The following PTPRD variants were observed in gnomAD, a reference collection of about 807,000 sequenced individuals.
PTPRD encodes receptor-type tyrosine-protein phosphatase delta.
PTPRD carries 34 observed loss-of-function variants against 214.5 expected under a neutral mutation model. That is an observed-to-expected ratio of 0.16 (90% CI 0.12 to 0.21). PTPRD has a LOEUF of 0.21. Among genes scored for constraint, PTPRD ranks in the 10% least tolerant of loss-of-function variants. PTPRD has a pLI of 1.00. For missense variants in PTPRD, 2,545 were observed against 2,398.7 expected (o/e 1.06, Z -1.27); for synonymous variants, 1,128 against 845.7 (o/e 1.33, Z -5.79).
At chr9:10,335,823 G>C (rs752237814) in intron 3 of PTPRD, among the ~76,000 whole-genome samples, 1 of 151,708 alleles carries the variant, frequency 6.6e-6, no homozygotes, top group Non-Finnish European at 1.5e-5. Flanking sequence ...TATACACACG[G>C]CAAATAAGCA....
chr9:8,759,045 T>TTTC (rs1181302614), intron 11 of PTPRD, among the ~76,000 whole-genome samples: 2 of 151,288 alleles, frequency 1.3e-5, no homozygotes, highest in African/African-American at 4.9e-5. Flanking sequence ...TTTTTTTTTT[T>TTTC]AGAAAGAGAG....
At chr9:8,460,659 A>G (rs2096371839) in intron 32 of PTPRD, 88 bp from the exon 33 acceptor site, 1 of 1,321,762 alleles carries the variant, frequency 7.6e-7, no homozygotes, top group Admixed American at 2.4e-5. Flanking sequence ...AAAATCCAGG[A>G]AATAGTGGAT....
intron 14 of PTPRD, among the ~76,000 whole-genome samples, chr9:8,557,807 C>T (rs1351667122): frequency 5.2e-5 from 7 of 133,572 alleles, no homozygotes; most frequent in South Asian, 2.4e-4. Flanking sequence ...CACACACACA[C>T]ATATATACAC....
intron 8 of PTPRD, among the ~76,000 whole-genome samples, chr9:9,420,619 A>C (rs2078425644): frequency 6.6e-6 from 1 of 151,942 alleles, no homozygotes; most frequent in African/African-American, 2.4e-5. Flanking sequence ...TGTTTAATGC[A>C]AGCTTCTTTG....
At chr9:9,334,446 G>A (rs2043610648) in intron 9 of PTPRD, among the ~76,000 whole-genome samples, 1 of 151,838 alleles carries the variant, frequency 6.6e-6, no homozygotes, top group African/African-American at 2.4e-5. Flanking sequence ...TTATCTAGTG[G>A]GGATTTCATA....
chr9:8,330,969 A>C (rs771616335), intron 44 of PTPRD, among the ~76,000 whole-genome samples: 1 of 150,668 alleles, frequency 6.6e-6, no homozygotes, highest in Non-Finnish European at 1.5e-5. Flanking sequence ...AAAAACACTA[A>C]ATTTATGGTG....
intron 3 of PTPRD, among the ~76,000 whole-genome samples, chr9:10,084,869 A>G (rs1057196446): frequency 6.6e-6 from 1 of 151,952 alleles, no homozygotes; most frequent in Non-Finnish European, 1.5e-5. Flanking sequence ...AACATAATAC[A>G]TAAATCTTAC....
At chr9:10,606,533 C>CTTTTTTTTTT (rs34402701) in intron 2 of PTPRD, among the ~76,000 whole-genome samples, 2 of 143,490 alleles carry the variant, frequency 1.4e-5, no homozygotes, top group Non-Finnish European at 3.1e-5. Context: ...TCTTTATTTT[C>CTTTTTTTTTT]TTTTTTTTTT....
At position 9,289,517 on chromosome 9, in the gene PTPRD, G is replaced by A. The variant is rs186643902; in HGVS notation, c.-202-106154C>T. Among the ~76,000 whole-genome samples, 583 of 151,814 alleles carry A rather than the reference G, an allele frequency of 3.8e-3. 7 individuals are homozygous for A. Among genetic ancestry groups the A allele is most frequent in the East Asian group, 0.027 (138 of 5,114 alleles). ...TGTGTCTGCTCTCTTCAAATTTTAA[G>A]TAAACAATACAGCATAATTAACTAT... On this transcript the variant is annotated intron_variant, in intron 9 of 45. Transcript: ENST00000381196.
chr9:9,786,324 T>C (rs568900314), intron 5 of PTPRD, among the ~76,000 whole-genome samples: 31 of 152,238 alleles, frequency 2.0e-4, no homozygotes, highest in Non-Finnish European at 4.0e-4. Context: ...ATTGATACAT[T>C]TGCATGCATT....
intron 30 of PTPRD, among the ~76,000 whole-genome samples, chr9:8,472,919 G>A (rs567689358): frequency 6.6e-6 from 1 of 152,212 alleles, no homozygotes; most frequent in East Asian, 1.9e-4. Flanking sequence ...TATATATTCT[G>A]AAATACGTGA....
chr9:8,428,566 T>C (rs1184198044), intron 35 of PTPRD, among the ~76,000 whole-genome samples: 1 of 152,148 alleles, frequency 6.6e-6, no homozygotes, highest in East Asian at 1.9e-4. Context: ...CCACTTTGCA[T>C]AAAAGATGAA....
chr9:9,844,596 A>C (rs2059062459), intron 5 of PTPRD, among the ~76,000 whole-genome samples: 1 of 152,018 alleles, frequency 6.6e-6, no homozygotes, highest in African/African-American at 2.4e-5. Context: ...ATTAATTAGA[A>C]AAATAGGGGA....
At chr9:9,934,745 A>G (rs2088466206) in intron 5 of PTPRD, among the ~76,000 whole-genome samples, 1 of 151,876 alleles carries the variant, frequency 6.6e-6, no homozygotes, top group South Asian at 2.1e-4. Context: ...CATCATTTTA[A>G]TACCAAAGCC....
chr9:9,080,547 T>A (rs772333125), intron 10 of PTPRD, among the ~76,000 whole-genome samples: 1 of 152,018 alleles, frequency 6.6e-6, no homozygotes, highest in Non-Finnish European at 1.5e-5. Flanking sequence ...TAGGGTTAGG[T>A]AATTCCCAAG....
chr9:9,815,915 CCACA>C (rs2048614039), intron 5 of PTPRD, among the ~76,000 whole-genome samples: 1 of 152,112 alleles, frequency 6.6e-6, no homozygotes, highest in South Asian at 2.1e-4. Flanking sequence ...AGTGTTCTCA[CCACA>C]CATACACAAA....
Position 8,983,120 on chromosome 9 carries a change from G to A in PTPRD, c.-104+35577C>T, listed in dbSNP as rs1433538. 5.5e-3 allele frequency among the ~76,000 whole-genome samples: 831 copies of A among 151,702 alleles called. 6 individuals are homozygous for A. The highest frequency in any genetic ancestry group is 0.017 in the Middle Eastern group (5 of 292). The stretch of plus-strand genomic sequence containing the variant: ...TTTTTCTTTAGTCTGTTTTCATCAT[G>A]AGTTATTTAACATTTTAGTGGCTTT... On this transcript the variant is annotated intron_variant, in intron 11 of 45. Coordinates refer to ENST00000381196, the MANE Select transcript of PTPRD (RefSeq NM_002839.4).
At chr9:9,807,999 G>A (rs2045960334) in intron 5 of PTPRD, among the ~76,000 whole-genome samples, 1 of 152,116 alleles carries the variant, frequency 6.6e-6, no homozygotes, top group Non-Finnish European at 1.5e-5. Flanking sequence ...GAGTGCTGAT[G>A]GTGAGCTGTC....
intron 3 of PTPRD, among the ~76,000 whole-genome samples, chr9:10,338,780 G>C (rs2096888105): frequency 6.6e-6 from 1 of 151,504 alleles, no homozygotes; most frequent in Non-Finnish European, 1.5e-5. Flanking sequence ...CCCATGTTTG[G>C]AACAGGAGAA....
Sources: allele counts gnomAD v4.1 joint callset (sites outside exome capture counted in the v4.1 genomes callset), GRCh38; gene constraint gnomAD v4.1.1; transcripts MANE v1.5; gene names NCBI Gene and HGNC (gene_info 2026-07-23, HGNC 2026-07-21).